KLF8: variants seen among roughly 807,000 people sequenced by gnomAD.
KLF8 encodes the protein KLF transcription factor 8, also known as Krueppel-like factor 8.
In KLF8, 10 loss-of-function variants were observed where a neutral mutation model predicts 18.2. The observed-to-expected ratio is 0.55, with a 90% confidence interval of 0.34 to 0.93. KLF8 has a LOEUF of 0.93. Ranked by LOEUF, KLF8 falls within the 40% of genes least tolerant of loss-of-function variation. The pLI, the probability that KLF8 is intolerant of heterozygous loss-of-function variation, is 0.02. For synonymous variants in KLF8, 109 were observed against 97.3 expected, an observed-to-expected ratio of 1.12 and a Z score of -0.71; for missense variants, 264 against 277.9, an observed-to-expected ratio of 0.95 and a Z score of 0.36.
At chrX:56,213,314 CTT>C in the KLF8 span, among the ~76,000 whole-genome samples, 3 of 12,016 alleles carry the variant, frequency 2.5e-4, no homozygotes, top group Admixed American at 8.5e-4. Flanking sequence ...CTTTTCTTTT[CTT>C]TTTTTTTTTT....
the KLF8 span, among the ~76,000 whole-genome samples, chrX:56,127,891 C>A: frequency 3.6e-5 from 4 of 111,290 alleles, no homozygotes; most frequent in Non-Finnish European, 5.7e-5. Context: ...TAAGGGCCAA[C>A]AAAGAAATAA....
At chrX:56,059,743 T>C in the KLF8 span, among the ~76,000 whole-genome samples, 1 of 111,858 alleles carries the variant, frequency 8.9e-6, no homozygotes, top group African/African-American at 3.2e-5. Flanking sequence ...ACCGTGCTGT[T>C]TTGTTTACTG....
At chrX:55,961,374 CA>C in the KLF8 span, 5 of 480,945 alleles carry the variant, frequency 1.0e-5, no homozygotes, top group South Asian at 9.2e-5. Context: ...ACACCGATAG[CA>C]AAAAGATGAA....
chrX:56,149,447 G>A, the KLF8 span, among the ~76,000 whole-genome samples: 1 of 110,366 alleles, frequency 9.1e-6, no homozygotes, highest in East Asian at 2.9e-4. Context: ...GGAGGGGGGA[G>A]TGGGACAAGG....
At chrX:56,096,061 T>C in the KLF8 span, among the ~76,000 whole-genome samples, 1 of 111,685 alleles carries the variant, frequency 9.0e-6, no homozygotes, top group Non-Finnish European at 1.9e-5. Context: ...TGTTCATCAA[T>C]GGATGATTGA....
At chrX:56,066,226 G>A in the KLF8 span, among the ~76,000 whole-genome samples, 1 of 112,164 alleles carries the variant, frequency 8.9e-6, no homozygotes, top group Non-Finnish European at 1.9e-5. Flanking sequence ...AGCTGCAGTC[G>A]TGGCATGTTG....
At chrX:55,989,947 A>C in the KLF8 span, among the ~76,000 whole-genome samples, 1 of 111,583 alleles carries the variant, frequency 9.0e-6, no homozygotes, top group Non-Finnish European at 1.9e-5. Flanking sequence ...TGTATGTGTC[A>C]AGGAATTTAC....
At chrX:55,928,725 A>G in the KLF8 span, among the ~76,000 whole-genome samples, 2 of 112,254 alleles carry the variant, frequency 1.8e-5, no homozygotes, top group Non-Finnish European at 3.8e-5. Context: ...GCCTCATAGT[A>G]TTCCATGGTG....
At chrX:56,037,610 AG>A in the KLF8 span, among the ~76,000 whole-genome samples, 1 of 109,937 alleles carries the variant, frequency 9.1e-6, no homozygotes, top group Non-Finnish European at 1.9e-5. Context: ...TGGACTATTC[AG>A]GTTTTCTATT....
At chrX:55,988,966 G>C in the KLF8 span, among the ~76,000 whole-genome samples, 2 of 111,470 alleles carry the variant, frequency 1.8e-5, no homozygotes, top group Non-Finnish European at 3.8e-5. Flanking sequence ...TTGAAGCAAT[G>C]ATGAATGGGA....
At chrX:55,992,843 T>G in the KLF8 span, among the ~76,000 whole-genome samples, 3 of 111,677 alleles carry the variant, frequency 2.7e-5, no homozygotes, top group African/African-American at 9.8e-5. Flanking sequence ...CCTAGTTATT[T>G]TATTGTTTTT....
At chrX:56,055,700 T>C in the KLF8 span, among the ~76,000 whole-genome samples, 1 of 112,027 alleles carries the variant, frequency 8.9e-6, no homozygotes, top group Non-Finnish European at 1.9e-5. Context: ...TCAGGGACTT[T>C]GGTGAATCAA....
chrX:56,168,320 GA>G, the KLF8 span, among the ~76,000 whole-genome samples: 1 of 111,062 alleles, frequency 9.0e-6, no homozygotes, highest in Admixed American at 9.6e-5. Context: ...GTATCAAAAA[GA>G]AAAAAACTTA....
chrX:56,172,173 T>A, the KLF8 span, among the ~76,000 whole-genome samples: 1 of 110,370 alleles, frequency 9.1e-6, no homozygotes, highest in Non-Finnish European at 1.9e-5. Context: ...TAGTTACAAA[T>A]GTATACATGT....
chrX:55,915,501 T>C, the KLF8 span, among the ~76,000 whole-genome samples: 3 of 111,903 alleles, frequency 2.7e-5, no homozygotes, highest in African/African-American at 9.7e-5. Flanking sequence ...ATCTAAGAAG[T>C]AACATGTAAG....
the KLF8 span, among the ~76,000 whole-genome samples, chrX:56,087,708 C>T: frequency 3.6e-5 from 4 of 111,908 alleles, no homozygotes; most frequent in East Asian, 1.1e-3. Flanking sequence ...GAGCTCTGTT[C>T]TTTAAGGCAT....
At chrX:56,141,141 A>G in the KLF8 span, among the ~76,000 whole-genome samples, 1 of 110,994 alleles carries the variant, frequency 9.0e-6, no homozygotes, top group Non-Finnish European at 1.9e-5. Flanking sequence ...TTTTTTTTAT[A>G]TTTTTAGTAG....
At chrX:56,189,053 CA>C in the KLF8 span, among the ~76,000 whole-genome samples, 4 of 111,342 alleles carry the variant, frequency 3.6e-5, no homozygotes, top group Non-Finnish European at 7.5e-5. Context: ...TTCTGCACAG[CA>C]AAAGAAACTA....
At chrX:56,264,787 T>A (rs927497361) in intron 2 of KLF8, among the ~76,000 whole-genome samples, 9 of 111,738 alleles carry the variant, frequency 8.1e-5, no homozygotes. Flanking sequence ...CCTGTTACAT[T>A]ATTTATTATG....
Sources: allele counts gnomAD v4.1 joint callset (sites outside exome capture counted in the v4.1 genomes callset), GRCh38; gene constraint gnomAD v4.1.1; transcripts MANE v1.5; gene names NCBI Gene and HGNC (gene_info 2026-07-23, HGNC 2026-07-21).